Variants in ARHGAP11B observed in about 807,000 individuals in gnomAD.
The protein encoded by ARHGAP11B is inactive Rho GTPase-activating protein 11B.
Under a neutral mutation model 27.6 loss-of-function variants are expected in ARHGAP11B, and 14 were observed. That is an observed-to-expected ratio of 0.51 (90% confidence interval 0.34 to 0.79). The LOEUF (loss-of-function observed/expected upper bound fraction) is 0.79, where lower values mean the gene tolerates loss of function less well. Ranked by LOEUF, ARHGAP11B falls within the 30% of genes least tolerant of loss-of-function variation. ARHGAP11B has a pLI of 0.02. For synonymous variants in ARHGAP11B, 82 were observed against 114.1 expected, an observed-to-expected ratio of 0.72 and a Z score of 1.80; for missense variants, 245 against 320.1, an observed-to-expected ratio of 0.77 and a Z score of 1.79.
intron 1 of ARHGAP11B, among the ~76,000 whole-genome samples, chr15:30,627,755 A>G (rs1340554792): frequency 6.6e-6 from 1 of 152,096 alleles, no homozygotes; most frequent in Non-Finnish European, 1.5e-5. Context: ...CCTAATTTAT[A>G]TGGTACTTCC....
At chr15:30,629,174 G>C in intron 1 of ARHGAP11B, among the ~76,000 whole-genome samples, 1 of 152,028 alleles carries the variant, frequency 6.6e-6, no homozygotes, top group Middle Eastern at 3.2e-3. Flanking sequence ...CTTAGGATCT[G>C]TGTGAGGATA....
exon 1 of ARHGAP11B, chr15:30,626,593 T>C: frequency 1.7e-6 from 1 of 574,270 alleles, no homozygotes; most frequent in African/African-American, 1.9e-5. Flanking sequence ...AAGAGTGAGG[T>C]GTGGCTGGAT....
chr15:30,634,706 T>C (rs1456276840), intron 4 of ARHGAP11B, among the ~76,000 whole-genome samples: 1 of 151,662 alleles, frequency 6.6e-6, no homozygotes, highest in African/African-American at 2.4e-5. Context: ...TTTAAAATAT[T>C]TCTGTTTTGC....
At position 30,626,683 on chromosome 15, in the gene ARHGAP11B, G is replaced by A. The variant is rs575988559; in HGVS notation, c.-138G>A. ...AAAGCCGTGGAAGTGGCCGGGGGTC[G>A]GGGCCGCAGAAGTGCCAGACGGGGC... On this transcript the variant is annotated 5_prime_UTR_variant, in exon 1 of 11. Coordinates refer to ENST00000428041, the Ensembl canonical transcript of ARHGAP11B. The A allele has an allele frequency of 5.4e-6, 7 of 1,291,960 alleles. No homozygotes were observed. The African/African-American group carries it at 9.0e-5, about 17-fold the overall frequency. 80.0% of individuals were successfully genotyped at this position (1,291,960 alleles called of 1,614,324 possible).
chr15:30,644,226 C>G (rs1481554810), intron 7 of ARHGAP11B, among the ~76,000 whole-genome samples: 1 of 151,972 alleles, frequency 6.6e-6, no homozygotes, highest in African/African-American at 2.4e-5. Context: ...TTTGTCTCAT[C>G]TTCCCAACCA....
chr15:30,644,542 T>C (rs545715124), intron 7 of ARHGAP11B: 3 of 676,678 alleles, frequency 4.4e-6, no homozygotes, highest in East Asian at 5.2e-5. Flanking sequence ...CATTCTTTTT[T>C]TGTCCTCATT....
rs1346226370 is a variant in ARHGAP11B, at chr15:30,632,994, G to A, written c.201-496G>A. Among the ~76,000 whole-genome samples, 8 of 150,564 alleles carry A rather than the reference G, an allele frequency of 5.3e-5. No homozygotes were observed. In the East Asian group the frequency reaches 1.6e-3, roughly 30 times the overall value. ...ATAGCAGGAAAACTAAAAGAGTAGTGAAAAAGTATTTTTGAGATGAACAGG... is the reference window on the plus strand; with the variant it reads ...ATAGCAGGAAAACTAAAAGAGTAGTAAAAAAGTATTTTTGAGATGAACAGG... On this transcript the variant is annotated intron_variant, in intron 2 of 10. Coordinates refer to ENST00000428041, the Ensembl canonical transcript of ARHGAP11B.
chr15:30,634,902 G>C (rs1595673957), intron 4 of ARHGAP11B, among the ~76,000 whole-genome samples, 178 bp from the exon 5 acceptor site: 1 of 151,716 alleles, frequency 6.6e-6, no homozygotes, highest in South Asian at 2.1e-4. Flanking sequence ...TTTAAATATA[G>C]AGAGGCTATA....
At chr15:30,629,506 T>C (rs900015090) in intron 1 of ARHGAP11B, among the ~76,000 whole-genome samples, 2 of 152,020 alleles carry the variant, frequency 1.3e-5, no homozygotes, top group Non-Finnish European at 2.9e-5. Context: ...TGAGCCGAGA[T>C]TGTGCCACTG....
At chr15:30,629,887 T>G (rs2060233714) in intron 1 of ARHGAP11B, among the ~76,000 whole-genome samples, 1 of 152,038 alleles carries the variant, frequency 6.6e-6, no homozygotes, top group African/African-American at 2.4e-5. Context: ...AACCAGACAT[T>G]TACAGGCTTG....
chr15:30,637,764 G>C (rs1156384153), intron 6 of ARHGAP11B, among the ~76,000 whole-genome samples: 1 of 150,016 alleles, frequency 6.7e-6, no homozygotes, highest in Non-Finnish European at 1.5e-5. Flanking sequence ...GAATCTTCTT[G>C]GTCTTTATGC....
chr15:30,646,855 G>A (rs112084240), intron 9 of ARHGAP11B, among the ~76,000 whole-genome samples: 34,545 of 151,302 alleles, frequency 0.23, 4,563 homozygotes, highest in Non-Finnish European at 0.28. Flanking sequence ...TGTAATCCTA[G>A]CTACTGGCGA....
At chr15:30,627,288 G>C (rs894880872) in intron 1 of ARHGAP11B, among the ~76,000 whole-genome samples, 7 of 152,062 alleles carry the variant, frequency 4.6e-5, no homozygotes, top group Admixed American at 3.9e-4. Flanking sequence ...CTAGATGCTG[G>C]TAGCATCTCT....
At chr15:30,630,669 A>T in intron 1 of ARHGAP11B, 34 bp from the exon 2 acceptor site, 3 of 1,548,532 alleles carry the variant, frequency 1.9e-6, no homozygotes, top group Middle Eastern at 3.5e-4. Context: ...TATGCCTAAT[A>T]TTTGTGTTAG....
At chr15:30,639,971 A>AGTGTGTGTGTGTGTGTGTGTGTGTGT (rs71103435) in intron 7 of ARHGAP11B, among the ~76,000 whole-genome samples, 1 of 143,192 alleles carries the variant, frequency 7.0e-6, no homozygotes, top group African/African-American at 2.6e-5. Context: ...TTCAATATAG[A>AGTGTGTGTGTGTGTGTGTGTGTGTGT]GTGTGTGTGT....
At chr15:30,627,091 C>G (rs1297380512) in intron 1 of ARHGAP11B, 142 bp downstream of exon 1, 3 of 1,287,372 alleles carry the variant, frequency 2.3e-6, no homozygotes, top group African/African-American at 3.0e-5. Context: ...TGATCGATTG[C>G]TGATATTTAA....
chr15:30,644,621 T>G, intron 7 of ARHGAP11B: 1 of 1,529,400 alleles, frequency 6.5e-7, no homozygotes, highest in South Asian at 1.1e-5. Context: ...CAAAAGGTTT[T>G]ATTTTTTTTA....
chr15:30,644,590 T>C, intron 7 of ARHGAP11B: 1 of 1,179,330 alleles, frequency 8.5e-7, no homozygotes, highest in Non-Finnish European at 1.3e-6. Context: ...TAAGGAGACA[T>C]ATCAATCTCA....
chr15:30,640,576 G>T (rs2060309450), intron 7 of ARHGAP11B, among the ~76,000 whole-genome samples: 3 of 151,516 alleles, frequency 2.0e-5, no homozygotes, highest in Admixed American at 2.0e-4. Context: ...CTTACATTTA[G>T]TCAAAATGTG....
Sources: allele counts gnomAD v4.1 joint callset (sites outside exome capture counted in the v4.1 genomes callset), GRCh38; gene constraint gnomAD v4.1.1; transcripts MANE v1.5; gene names NCBI Gene and HGNC (gene_info 2026-07-23, HGNC 2026-07-21).